PBX1: variants seen among roughly 807,000 people sequenced by gnomAD.
The protein encoded by PBX1 is PBX homeobox 1.
In PBX1, 6 loss-of-function variants were observed where a neutral mutation model predicts 53.4. The observed-to-expected ratio is 0.11, with a 90% CI of 0.06 to 0.22. PBX1 has a LOEUF of 0.22. PBX1 is among the 10% of genes least tolerant of loss of function. The probability of loss-of-function intolerance (pLI) is 1.00; values close to 1 mark genes in which losing one functional copy is unlikely to be tolerated. For synonymous variants in PBX1, 204 were observed against 212.3 expected, an observed-to-expected ratio of 0.96 and a Z score of 0.34; for missense variants, 251 against 551.4, an observed-to-expected ratio of 0.46 and a Z score of 5.46.
chr1:164,673,311 A>T (rs1370957620), intron 2 of PBX1, among the ~76,000 whole-genome samples: 1 of 152,092 alleles, frequency 6.6e-6, no homozygotes, highest in African/African-American at 2.4e-5. Context: ...CTCCCCAGAA[A>T]GGGTTGGAGT....
chr1:164,559,431 G>T lies in PBX1; in HGVS notation c.-392G>T. 4.0e-6 allele frequency: 1 copy of T among 248,700 alleles called. No individual in the cohort carries two copies. Among genetic ancestry groups the T allele is most frequent in the Non-Finnish European group, 7.7e-6 (1 of 129,092 alleles). 15.4% of individuals were successfully genotyped at this position (248,700 alleles called of 1,614,324 possible). On this transcript the variant is annotated 5_prime_UTR_variant, in exon 1 of 9. Transcript: ENST00000420696. ...CAATGCATATTTGCAAAAGGATTAAGCCACAGATTTAAGCGCCGGGAGCCC... is the reference window on the plus strand; with the variant it reads ...CAATGCATATTTGCAAAAGGATTAATCCACAGATTTAAGCGCCGGGAGCCC...
intron 2 of PBX1, among the ~76,000 whole-genome samples, chr1:164,871,143 T>C (rs1452563342): frequency 1.3e-5 from 2 of 152,232 alleles, no homozygotes; most frequent in Non-Finnish European, 2.9e-5. Context: ...TCAGATAACA[T>C]CTTGTTTAGT....
intron 2 of PBX1, among the ~76,000 whole-genome samples, chr1:164,697,457 A>T (rs1298599378): frequency 2.0e-5 from 3 of 152,176 alleles, no homozygotes; most frequent in Admixed American, 1.3e-4. Context: ...TTCTATGTCA[A>T]CCCTTTATTC....
intron 2 of PBX1, among the ~76,000 whole-genome samples, chr1:164,650,496 G>A (rs1659736621): frequency 1.3e-5 from 2 of 152,054 alleles, no homozygotes; most frequent in African/African-American, 4.8e-5. Flanking sequence ...GAAGTGCTAG[G>A]GTTACAGGTG....
chr1:164,834,029 A>ATGTGTGTGTGTG (rs35739146), intron 8 of PBX1, among the ~76,000 whole-genome samples: 5,362 of 128,174 alleles, frequency 0.042, 150 homozygotes, highest in South Asian at 0.064. Context: ...ATATATGTAT[A>ATGTGTGTGTGTG]TGTGTGTGTG....
At chr1:164,615,722 T>C (rs942674964) in intron 2 of PBX1, among the ~76,000 whole-genome samples, 1 of 152,218 alleles carries the variant, frequency 6.6e-6, no homozygotes, top group Non-Finnish European at 1.5e-5. Context: ...ACAAGGATTC[T>C]GTTAGTTAGA....
chr1:164,703,593 C>G (rs943211668), intron 2 of PBX1, among the ~76,000 whole-genome samples: 4 of 152,194 alleles, frequency 2.6e-5, no homozygotes, highest in Admixed American at 2.6e-4. Flanking sequence ...GACCAGTTAG[C>G]CAACAGCCCA....
chr1:164,730,762 A>G (rs1664934719), intron 2 of PBX1, among the ~76,000 whole-genome samples: 1 of 152,216 alleles, frequency 6.6e-6, no homozygotes, highest in Non-Finnish European at 1.5e-5. Flanking sequence ...CACAAAGTCA[A>G]AAGAACTCAG....
At chr1:164,611,774 G>A (rs940290622) in intron 2 of PBX1, among the ~76,000 whole-genome samples, 14 of 152,166 alleles carry the variant, frequency 9.2e-5, no homozygotes, top group Non-Finnish European at 1.6e-4. Flanking sequence ...ATGGGGACAA[G>A]CCCATTTTGG....
At chr1:164,818,890 T>C (rs975848401) in intron 6 of PBX1, 3 of 152,206 alleles carry the variant, frequency 2.0e-5, no homozygotes, top group South Asian at 2.1e-4. Context: ...ATCCCTACCT[T>C]AGGAGAAAAG....
At chr1:164,635,196 T>C (rs1309517580) in intron 2 of PBX1, among the ~76,000 whole-genome samples, 1 of 152,132 alleles carries the variant, frequency 6.6e-6, no homozygotes, top group Non-Finnish European at 1.5e-5. Flanking sequence ...GCTGTTGCTA[T>C]GCCAACACCC....
At chr1:164,676,569 C>T (rs1202924176) in intron 2 of PBX1, among the ~76,000 whole-genome samples, 1 of 152,166 alleles carries the variant, frequency 6.6e-6, no homozygotes, top group African/African-American at 2.4e-5. Flanking sequence ...AGTTTATGGT[C>T]AACAGCTTTT....
chr1:164,859,192 T>A (rs1399449852), intron 2 of PBX1, among the ~76,000 whole-genome samples: 1 of 152,182 alleles, frequency 6.6e-6, no homozygotes, highest in Non-Finnish European at 1.5e-5. Flanking sequence ...TCTTAGAGAA[T>A]GGAACAATCT....
At chr1:164,739,783 G>GTATGTATATTA in intron 2 of PBX1, among the ~76,000 whole-genome samples, 1 of 142,034 alleles carries the variant, frequency 7.0e-6, no homozygotes, top group African/African-American at 2.5e-5. Flanking sequence ...GTGTGTGTGT[G>GTATGTATATTA]TGTGTGTATG....
intron 2 of PBX1, among the ~76,000 whole-genome samples, chr1:164,625,539 T>C (rs1487231493): frequency 6.6e-6 from 1 of 152,192 alleles, no homozygotes; most frequent in Non-Finnish European, 1.5e-5. Flanking sequence ...TGTTTGTTTC[T>C]AGTTAAAAAT....
At chr1:164,749,748 T>G (rs1378453644) in intron 2 of PBX1, among the ~76,000 whole-genome samples, 2 of 152,136 alleles carry the variant, frequency 1.3e-5, no homozygotes, top group African/African-American at 4.8e-5. Flanking sequence ...CAAAGCACTG[T>G]GCATGGCTTA....
intron 2 of PBX1, among the ~76,000 whole-genome samples, chr1:164,731,886 C>T (rs900047187): frequency 2.6e-5 from 4 of 152,130 alleles, no homozygotes; most frequent in African/African-American, 9.7e-5. Flanking sequence ...CCTGCTGCCA[C>T]GAAGCTTCCT....
intron 2 of PBX1, chr1:164,787,623 T>C (rs1168761001): frequency 6.6e-6 from 1 of 152,168 alleles, no homozygotes; most frequent in Non-Finnish European, 1.5e-5. Context: ...GTTTTTCTCC[T>C]TGTGTGAAGA....
At chr1:164,621,612 CAA>C in intron 2 of PBX1, among the ~76,000 whole-genome samples, 1 of 152,104 alleles carries the variant, frequency 6.6e-6, no homozygotes, top group East Asian at 1.9e-4. Flanking sequence ...AATCATGAAA[CAA>C]GAGGCCATCC....
Sources: gnomAD v4.1 joint callset for allele counts (sites outside exome capture counted in the v4.1 genomes callset) on GRCh38, gnomAD v4.1.1 for gene constraint, MANE v1.5 for transcripts, NCBI Gene and HGNC (gene_info 2026-07-23, HGNC 2026-07-21) for gene names.